NRXN3: variants seen among roughly 807,000 people sequenced by gnomAD.
NRXN3 encodes the protein neurexin 3, also known as neurexin III.
NRXN3 carries 32 observed loss-of-function variants against 137.6 expected under a neutral mutation model. The observed-to-expected ratio is 0.23, with a 90% CI of 0.18 to 0.31. The LOEUF (loss-of-function observed/expected upper bound fraction) is 0.31, where lower values mean the gene tolerates loss of function less well. Ranked by LOEUF, NRXN3 falls within the 10% of genes least tolerant of loss-of-function variation. The probability of loss-of-function intolerance (pLI) is 1.00; values close to 1 mark genes in which losing one functional copy is unlikely to be tolerated. For synonymous variants in NRXN3, 798 were observed against 784.5 expected, an observed-to-expected ratio of 1.02 and a Z score of -0.29; for missense variants, 1,574 against 2,062.5, an observed-to-expected ratio of 0.76 and a Z score of 4.59.
chr14:79,306,841 C>G (rs1566743562), intron 15 of NRXN3, among the ~76,000 whole-genome samples: 1 of 152,136 alleles, frequency 6.6e-6, no homozygotes, highest in Admixed American at 6.6e-5. Flanking sequence ...AGCCAGGCCT[C>G]ACCACATGGG....
intron 15 of NRXN3, among the ~76,000 whole-genome samples, chr14:79,258,284 G>A (rs112640873): frequency 0.013 from 2,043 of 152,056 alleles, 35 homozygotes; most frequent in South Asian, 0.079. Flanking sequence ...TGTTACCTCC[G>A]CCTCCCAGGT....
chr14:78,939,185 C>T, intron 10 of NRXN3, among the ~76,000 whole-genome samples: 1 of 152,140 alleles, frequency 6.6e-6, no homozygotes, highest in East Asian at 1.9e-4. Context: ...CCCTGTCATT[C>T]CCAGCAGCAT....
intron 10 of NRXN3, among the ~76,000 whole-genome samples, chr14:78,832,349 GATGTTTTACTTT>G (rs1227413901): frequency 6.6e-6 from 1 of 152,238 alleles, no homozygotes; most frequent in East Asian, 1.9e-4. Context: ...TACTTAGCTG[GATGTTTTACTTT>G]ATAAGGAGGC....
chr14:78,500,820 G>C (rs2095864379), intron 4 of NRXN3, among the ~76,000 whole-genome samples: 1 of 152,096 alleles, frequency 6.6e-6, no homozygotes, highest in African/African-American at 2.4e-5. Flanking sequence ...AAATACTTTT[G>C]AGCATTTTTT....
chr14:79,706,181 T>C (rs1056771382), intron 19 of NRXN3, among the ~76,000 whole-genome samples: 4 of 152,192 alleles, frequency 2.6e-5, no homozygotes, highest in African/African-American at 9.7e-5. Flanking sequence ...GTCTCTGGTA[T>C]GTAAGATTAT....
At chr14:78,619,097 A>G (rs2097373697) in intron 4 of NRXN3, among the ~76,000 whole-genome samples, 1 of 152,098 alleles carries the variant, frequency 6.6e-6, no homozygotes, top group South Asian at 2.1e-4. Flanking sequence ...CATCGTCTAG[A>G]AGTCAGAAGT....
At chr14:79,570,396 T>C (rs557310474) in intron 16 of NRXN3, 1 of 152,372 alleles carries the variant, frequency 6.6e-6, no homozygotes, top group South Asian at 2.1e-4. Flanking sequence ...TTCTTCTCCA[T>C]AGGACTCTGG....
chr14:79,750,806 T>G (rs942774361), intron 19 of NRXN3, among the ~76,000 whole-genome samples: 3 of 152,154 alleles, frequency 2.0e-5, no homozygotes, highest in African/African-American at 7.2e-5. Context: ...TGATACTATT[T>G]TCTACCTGTT....
At chr14:78,199,036 G>C (rs1267130834) in intron 1 of NRXN3, among the ~76,000 whole-genome samples, 1 of 152,228 alleles carries the variant, frequency 6.6e-6, no homozygotes, top group Non-Finnish European at 1.5e-5. Flanking sequence ...AGTGATGGCA[G>C]AAATGCGAAA....
At chr14:79,197,513 G>GT (rs113355581) in intron 15 of NRXN3, among the ~76,000 whole-genome samples, 5,402 of 151,154 alleles carry the variant, frequency 0.036, 233 homozygotes, top group East Asian at 0.21. Context: ...CTTATCTACT[G>GT]TTTTTTCTTC....
intron 4 of NRXN3, among the ~76,000 whole-genome samples, chr14:78,522,042 C>T (rs548318180): frequency 6.6e-6 from 1 of 152,220 alleles, no homozygotes; most frequent in Non-Finnish European, 1.5e-5. Context: ...TCCTGTATCA[C>T]AGGTTTTTCA....
intron 19 of NRXN3, among the ~76,000 whole-genome samples, chr14:79,795,279 G>T (rs2099157752): frequency 6.6e-6 from 1 of 152,128 alleles, no homozygotes; most frequent in African/African-American, 2.4e-5. Context: ...ACTACTAATT[G>T]CAGCCTGGGA....
intron 15 of NRXN3, among the ~76,000 whole-genome samples, chr14:79,410,800 C>A (rs2095406687): frequency 6.6e-6 from 1 of 152,080 alleles, no homozygotes; most frequent in African/African-American, 2.4e-5. Flanking sequence ...TGTTGAGTCT[C>A]AACCACTGTC....
At chr14:79,109,442 CA>C (rs2053069759) in intron 15 of NRXN3, among the ~76,000 whole-genome samples, 1 of 152,112 alleles carries the variant, frequency 6.6e-6, no homozygotes, top group Non-Finnish European at 1.5e-5. Context: ...AAATTTTCAG[CA>C]AAGGCAGAAA....
chr14:78,639,739 G>C (rs979770639), intron 4 of NRXN3, among the ~76,000 whole-genome samples: 1 of 152,184 alleles, frequency 6.6e-6, no homozygotes, highest in Non-Finnish European at 1.5e-5. Context: ...GTATGGTGTA[G>C]TAGGAAAAGC....
chr14:78,529,061 G>A (rs1421552115), intron 4 of NRXN3, among the ~76,000 whole-genome samples: 1 of 152,096 alleles, frequency 6.6e-6, no homozygotes, highest in Non-Finnish European at 1.5e-5. Flanking sequence ...TCACAGTATC[G>A]TTCTCTTCTT....
intron 7 of NRXN3, among the ~76,000 whole-genome samples, chr14:78,713,127 G>T (rs1487675022): frequency 6.6e-6 from 1 of 152,140 alleles, no homozygotes; most frequent in Non-Finnish European, 1.5e-5. Context: ...GCCATAAAGT[G>T]GTTCAGGGAT....
chr14:79,705,315 TCTC>T (rs1443032753), intron 19 of NRXN3, among the ~76,000 whole-genome samples: 1 of 152,090 alleles, frequency 6.6e-6, no homozygotes, highest in Non-Finnish European at 1.5e-5. Context: ...GGCATATGGT[TCTC>T]CTCCTTCCTA....
At chr14:78,690,239 T>C (rs1602485420) in intron 6 of NRXN3, among the ~76,000 whole-genome samples, 2 of 152,132 alleles carry the variant, frequency 1.3e-5, no homozygotes, top group African/African-American at 4.8e-5. Context: ...ATCTTAGTTA[T>C]TGTGCTTAAG....
Sources: gnomAD v4.1 joint callset for allele counts (sites outside exome capture counted in the v4.1 genomes callset) on GRCh38, gnomAD v4.1.1 for gene constraint, MANE v1.5 for transcripts, NCBI Gene and HGNC (gene_info 2026-07-23, HGNC 2026-07-21) for gene names.